ADGRE3: variants seen among roughly 807,000 people sequenced by gnomAD.
The protein encoded by ADGRE3 is EGF-like module receptor 3.
Under a neutral mutation model 80.1 loss-of-function variants are expected in ADGRE3, and 88 were observed. The ratio of observed to expected loss-of-function variants is 1.10; its 90% confidence interval spans 0.93 to 1.31. ADGRE3 has a LOEUF of 1.31. Ranked by LOEUF, ADGRE3 falls within the 40% of genes most tolerant of loss-of-function variation. ADGRE3 has a pLI of 0.00. For missense variants in ADGRE3, 715 were observed against 776.5 expected, an observed-to-expected ratio of 0.92 and a Z score of 0.94; for synonymous variants, 281 against 294.8, an observed-to-expected ratio of 0.95 and a Z score of 0.48.
chr19:14,605,212 C>G, the ADGRE3 span, among the ~76,000 whole-genome samples: 10 of 152,102 alleles, frequency 6.6e-5, no homozygotes, highest in Admixed American at 5.9e-4. Flanking sequence ...ATTCTCCTCT[C>G]TCAGCCTCCC....
At chr19:14,650,961 C>A in intron 7 of ADGRE3, 124 bp downstream of exon 7, 3 of 957,792 alleles carry the variant, frequency 3.1e-6, no homozygotes, top group East Asian at 2.7e-5. Flanking sequence ...AAGGGAAAAT[C>A]TCCAATATCG....
chr19:14,623,780 G>A (rs1291024901), intron 15 of ADGRE3, among the ~76,000 whole-genome samples: 1 of 152,162 alleles, frequency 6.6e-6, no homozygotes, highest in Non-Finnish European at 1.5e-5. Flanking sequence ...GTCTGTGTTA[G>A]ATTGCATTGG....
chr19:14,634,981 A>G (rs1970998733), intron 11 of ADGRE3, among the ~76,000 whole-genome samples: 1 of 152,182 alleles, frequency 6.6e-6, no homozygotes, highest in Non-Finnish European at 1.5e-5. Flanking sequence ...AGTCAAAGCA[A>G]TTATGGATCT....
At chr19:14,617,355 T>TC (rs1311557256), downstream of ADGRE3, among the ~76,000 whole-genome samples, 8 of 103,986 alleles carry the variant, frequency 7.7e-5, no homozygotes, top group African/African-American at 3.0e-4. Context: ...TCTTTCTTTC[T>TC]TTCTTTCTTT....
the ADGRE3 span, among the ~76,000 whole-genome samples, chr19:14,612,908 A>G: frequency 1.3e-5 from 2 of 149,572 alleles, no homozygotes; most frequent in Non-Finnish European, 3.0e-5. Context: ...GTGGGTAGAC[A>G]TTCTCCAAAC....
At chr19:14,650,914 A>C in intron 7 of ADGRE3, among the ~76,000 whole-genome samples, 171 bp downstream of exon 7, 1 of 150,988 alleles carries the variant, frequency 6.6e-6, no homozygotes, top group Non-Finnish European at 1.5e-5. Flanking sequence ...ATAACAGAAA[A>C]CCTCCATTTT....
At chr19:14,603,212 G>A in the ADGRE3 span, among the ~76,000 whole-genome samples, 16 of 152,126 alleles carry the variant, frequency 1.1e-4, no homozygotes, top group African/African-American at 1.7e-4. Flanking sequence ...AGTCAATTGG[G>A]TTCTCCCATT....
downstream of ADGRE3, among the ~76,000 whole-genome samples, chr19:14,616,942 T>C (rs954164245): frequency 1.1e-4 from 17 of 151,622 alleles, no homozygotes; most frequent in Non-Finnish European, 2.5e-4. Context: ...ATTACAGACA[T>C]GCGCCACCAC....
At chr19:14,613,516 A>G in the ADGRE3 span, among the ~76,000 whole-genome samples, 2 of 151,484 alleles carry the variant, frequency 1.3e-5, no homozygotes, top group African/African-American at 2.4e-5. Context: ...CGATCAATTT[A>G]TTGATCAATA....
At chr19:14,609,450 C>T in the ADGRE3 span, among the ~76,000 whole-genome samples, 1 of 152,242 alleles carries the variant, frequency 6.6e-6, no homozygotes, top group East Asian at 1.9e-4. Context: ...TAAGCAAGAG[C>T]CCACATGATC....
downstream of ADGRE3, among the ~76,000 whole-genome samples, chr19:14,615,481 C>T (rs2075070141): frequency 6.6e-6 from 1 of 151,916 alleles, no homozygotes; most frequent in South Asian, 2.1e-4. Flanking sequence ...GCATCTCTGG[C>T]CAGGTGTGGT....
Position 14,674,793 on chromosome 19 carries a change from G to T in ADGRE3, c.-23C>A. On this transcript the variant is annotated 5_prime_UTR_variant, in exon 1 of 16. Coordinates refer to ENST00000253673, the MANE Select transcript of ADGRE3 (RefSeq NM_032571.5). ...CATTTCTGTGGTACGGGTATCCCAC[G>T]CCAGCCAGCCCTGGAAGCTCTCTAC... The T allele has an allele frequency of 6.2e-7, 1 of 1,613,070 alleles. No individual in the cohort carries two copies. The highest frequency in any genetic ancestry group is 1.3e-5 in the African/African-American group (1 of 74,986).
chr19:14,620,548 T>TATAATATATATATATA, intron 15 of ADGRE3, among the ~76,000 whole-genome samples: 16 of 24,962 alleles, frequency 6.4e-4, no homozygotes, highest in South Asian at 1.7e-3. Context: ...TATATATATA[T>TATAATATATATATATA]TATATATATA....
At chr19:14,662,828 A>T (rs1971986041) in intron 3 of ADGRE3, among the ~76,000 whole-genome samples, 1 of 136,278 alleles carries the variant, frequency 7.3e-6, no homozygotes, top group Admixed American at 8.4e-5. Context: ...GCACTTTGGG[A>T]GGCCGAGGCG....
At chr19:14,628,441 AAAATAAAT>A (rs564499487) in intron 14 of ADGRE3, among the ~76,000 whole-genome samples, 1 of 151,906 alleles carries the variant, frequency 6.6e-6, no homozygotes, top group East Asian at 1.9e-4. Flanking sequence ...TCTGTCTCAA[AAAATAAAT>A]AAATAAATAA....
chr19:14,661,836 G>A (rs1327590610), intron 4 of ADGRE3, 127 bp downstream of exon 4: 5 of 963,134 alleles, frequency 5.2e-6, no homozygotes, highest in Non-Finnish European at 7.9e-6. Flanking sequence ...GGAGGCGGAG[G>A]TTTCAGCCAC....
intron 2 of ADGRE3, among the ~76,000 whole-genome samples, chr19:14,665,063 T>TC (rs1361152106): frequency 2.1e-5 from 3 of 139,704 alleles, no homozygotes; most frequent in African/African-American, 8.1e-5. Context: ...TCATTTTTTT[T>TC]TTTTTTTTTT....
At chr19:14,659,469 T>C (rs570299905) in intron 4 of ADGRE3, among the ~76,000 whole-genome samples, 1 of 152,142 alleles carries the variant, frequency 6.6e-6, no homozygotes, top group African/African-American at 2.4e-5. Context: ...GAAGCATCAG[T>C]GTCTGGTCAT....
chr19:14,613,302 G>T, the ADGRE3 span, among the ~76,000 whole-genome samples: 1 of 151,838 alleles, frequency 6.6e-6, no homozygotes, highest in Non-Finnish European at 1.5e-5. Context: ...GCTCACTGAA[G>T]CCTCAAACAC....
Sources: gnomAD v4.1 joint callset for allele counts (sites outside exome capture counted in the v4.1 genomes callset) on GRCh38, gnomAD v4.1.1 for gene constraint, MANE v1.5 for transcripts, NCBI Gene and HGNC (gene_info 2026-07-23, HGNC 2026-07-21) for gene names.